Variants in CLTCL1 observed in about 807,000 individuals in gnomAD.
CLTCL1 encodes clathrin heavy chain 2.
Under a neutral mutation model 190.0 loss-of-function variants are expected in CLTCL1, and 159 were observed. The ratio of observed to expected loss-of-function variants is 0.84; its 90% CI spans 0.74 to 0.95. The LOEUF (loss-of-function observed/expected upper bound fraction) is 0.95, where lower values mean the gene tolerates loss of function less well. Among genes scored for constraint, CLTCL1 ranks in the 40% least tolerant of loss-of-function variants. The pLI is 0.00. For missense variants in CLTCL1, 1,878 were observed against 2,033.4 expected (o/e 0.92, Z 1.47); for synonymous variants, 752 against 769.6 (o/e 0.98, Z 0.38).
intron 19 of CLTCL1, 53 bp from the exon 20 acceptor site, chr22:19,210,562 C>T: frequency 6.4e-7 from 1 of 1,556,944 alleles, no homozygotes; most frequent in Non-Finnish European, 8.7e-7. Flanking sequence ...GCTGCACAAA[C>T]CATTTTTTGG....
chr22:19,281,685 G>T (rs1261333381), intron 1 of CLTCL1, among the ~76,000 whole-genome samples: 1 of 152,166 alleles, frequency 6.6e-6, no homozygotes, highest in Non-Finnish European at 1.5e-5. Context: ...ACTGAAGTGG[G>T]CCTGGGTTTT....
chr22:19,276,624 C>G (rs1216121376), intron 1 of CLTCL1, among the ~76,000 whole-genome samples: 1 of 152,164 alleles, frequency 6.6e-6, no homozygotes, highest in South Asian at 2.1e-4. Flanking sequence ...ATAAATTTCT[C>G]TGCTCTGACC....
At chr22:19,228,248 T>G (rs1372209975) in intron 11 of CLTCL1, among the ~76,000 whole-genome samples, 1 of 152,236 alleles carries the variant, frequency 6.6e-6, no homozygotes, top group Non-Finnish European at 1.5e-5. Context: ...TACTTCTTGT[T>G]TTCAAACATT....
chr22:19,276,467 C>G (rs1555983413), intron 1 of CLTCL1, among the ~76,000 whole-genome samples: 1 of 152,096 alleles, frequency 6.6e-6, no homozygotes, highest in Admixed American at 6.5e-5. Context: ...TAAACTGAAA[C>G]CAAGCACCTT....
intron 22 of CLTCL1, 123 bp downstream of exon 22, chr22:19,208,031 G>A: frequency 8.4e-7 from 1 of 1,186,266 alleles, no homozygotes; most frequent in Non-Finnish European, 1.2e-6. Context: ...ACCTGTCTGT[G>A]GAAAAACTGT....
chr22:19,213,188 G>A (rs1481820700), intron 19 of CLTCL1, among the ~76,000 whole-genome samples: 1 of 152,184 alleles, frequency 6.6e-6, no homozygotes, highest in Non-Finnish European at 1.5e-5. Flanking sequence ...TCACCAAAGA[G>A]GATCTACGGA....
rs781989374 is a variant in CLTCL1, at chr22:19,226,189, A to G, written c.1947+30T>C. 3.4e-5 allele frequency: 55 copies of G among 1,606,294 alleles called. 1 individual carries two copies. The highest frequency in any genetic ancestry group is 4.5e-5 in the Non-Finnish European group (53 of 1,175,146). On this transcript the variant is annotated intron_variant, in intron 12 of 32. Transcript: ENST00000427926. ...GACATTAATTGCATAGACAACAGCC[A>G]TAATAGGAGTGCCCAGGGGTACACA...
At chr22:19,277,585 C>T (rs1555984144) in intron 1 of CLTCL1, among the ~76,000 whole-genome samples, 1 of 152,084 alleles carries the variant, frequency 6.6e-6, no homozygotes, top group Admixed American at 6.5e-5. Flanking sequence ...TAGAACTTGC[C>T]AATTGATATT....
chr22:19,192,889 A>T (rs1555933229), intron 26 of CLTCL1, among the ~76,000 whole-genome samples: 1 of 152,172 alleles, frequency 6.6e-6, no homozygotes, highest in Non-Finnish European at 1.5e-5. Flanking sequence ...CTCCTATTGG[A>T]GCTCTAGCAC....
At chr22:19,242,712 G>C in intron 4 of CLTCL1, 63 bp downstream of exon 4, 2 of 1,575,844 alleles carry the variant, frequency 1.3e-6, no homozygotes, top group African/African-American at 1.3e-5. Flanking sequence ...CCACACACAC[G>C]CACACCCCTA....
chr22:19,224,096 G>C (rs782362849), intron 13 of CLTCL1, 42 bp from the exon 14 acceptor site: 2 of 1,606,206 alleles, frequency 1.2e-6, no homozygotes, highest in Non-Finnish European at 1.7e-6. Context: ...TGTAACACCT[G>C]CCTGTCTCCT....
rs1555952293 is a variant in CLTCL1, at chr22:19,221,497, G to A, written c.2676C>T (p.Cys892=). ...IYIDSNNSPE[C]FLRENAYYDS... ...CATAGTAGGCATTCTCTCTCAGGAA[G>A]CACTCGGGGCTGTTGTTGCTGTCGA... Residue 892 remains cysteine, a synonymous_variant, in exon 17 of 33, where the codon TGC becomes TGT. Transcript: ENST00000427926. 1 of 1,601,064 alleles carries A rather than the reference G, an allele frequency of 6.2e-7. No homozygotes were observed. The highest frequency in any genetic ancestry group is 1.7e-5 in the Admixed American group (1 of 57,974).
rs146958816 is a variant in CLTCL1 at position 19,188,463 on chromosome 22, T to C, written c.4324-372A>G. Among the ~76,000 whole-genome samples, 660 of 152,290 alleles carry C rather than the reference T, an allele frequency of 4.3e-3. 6 individuals are homozygous for C. Among genetic ancestry groups the C allele is most frequent in the African/African-American group, 0.014 (593 of 41,550 alleles). On this transcript the variant is annotated intron_variant, in intron 27 of 32. Transcript: ENST00000427926. Reference sequence around the variant, plus strand: ...ACACAGTACACACCTTAATTAAAAATATTTTAGTGCTAAAGAATGCTAACA... The same window carrying C: ...ACACAGTACACACCTTAATTAAAAACATTTTAGTGCTAAAGAATGCTAACA...
chr22:19,256,737 C>T (rs1321906572), intron 2 of CLTCL1, among the ~76,000 whole-genome samples: 1 of 151,856 alleles, frequency 6.6e-6, no homozygotes, highest in Non-Finnish European at 1.5e-5. Context: ...TGGCCTCATG[C>T]AATCCTTCCA....
chr22:19,217,852 A>AG (rs2085439190), intron 18 of CLTCL1, among the ~76,000 whole-genome samples: 1 of 137,244 alleles, frequency 7.3e-6, no homozygotes, highest in Non-Finnish European at 1.5e-5. Flanking sequence ...TCTCAAAAAG[A>AG]GAAAAAAAAA....
chr22:19,229,960 T>A lies in CLTCL1; in HGVS notation c.1660A>T (p.Met554Leu). 6.2e-7 allele frequency: 1 copy of A among 1,608,576 alleles called. No individual in the cohort carries two copies. The highest frequency in any genetic ancestry group is 8.5e-7 in the Non-Finnish European group (1 of 1,177,676). Residue 554 changes from methionine (M) to leucine (L), a missense_variant, in exon 11 of 33, where the codon ATG becomes TTG. By Grantham distance (15) the Met-to-Leu change is conservative. Coordinates refer to ENST00000427926, the MANE Select transcript of CLTCL1 (RefSeq NM_007098.4). ...ANISQIVDIFMENSLIQQCTS... is the reference protein window; with the variant it reads ...ANISQIVDIFLENSLIQQCTS... ...CACTGCTGAATTAAACTGTTTTCCA[T>A]GAAAATGTCCACAATCTGAAACATA...
Position 19,210,519 on chromosome 22 carries a change from G to C in CLTCL1, c.3066-10C>G, listed in dbSNP as rs782420965. 4.4e-6 allele frequency: 7 copies of C among 1,607,082 alleles called. No homozygotes were observed. Among genetic ancestry groups the C allele is most frequent in the Non-Finnish European group, 6.0e-6 (7 of 1,174,788 alleles). ...CAGATTCTGTAGATTCCTGAGGAGA[G>C]AGGGTGGTCAGCACGGCATCCCAGG... is the stretch of plus-strand genomic sequence containing the variant. On this transcript the variant is annotated splice_polypyrimidine_tract_variant and intron_variant, in intron 19 of 32. Coordinates refer to ENST00000427926, the MANE Select transcript of CLTCL1 (RefSeq NM_007098.4).
Position 19,234,565 on chromosome 22 carries a change from G to C in CLTCL1, c.1111C>G (p.Leu371Val), listed in dbSNP as rs782771443. 1 of 1,613,956 alleles carries C rather than the reference G, an allele frequency of 6.2e-7. No homozygotes were observed. The highest frequency in any genetic ancestry group is 2.2e-5 in the East Asian group (1 of 44,888). ...TCAGCATAGCTGCCCTGTGCAAAGA[G>C]GGTATTGAATTTTCTCACAAACAAC... ...EKLFVRKFNT[L>V]FAQGSYAEAA... Residue 371 changes from leucine (L) to valine (V), a missense_variant, in exon 7 of 33, where the codon CTC becomes GTC. Leu to Val is a conservative substitution (Grantham distance 32). Transcript: ENST00000427926.
intron 5 of CLTCL1, among the ~76,000 whole-genome samples, chr22:19,238,114 T>A (rs797039535): frequency 3.3e-5 from 5 of 152,244 alleles, no homozygotes; most frequent in African/African-American, 1.2e-4. Flanking sequence ...GGAAATGAAG[T>A]CTTGCTCCAG....
Sources: allele counts gnomAD v4.1 joint callset (sites outside exome capture counted in the v4.1 genomes callset), GRCh38; gene constraint gnomAD v4.1.1; transcripts MANE v1.5; gene names NCBI Gene and HGNC (gene_info 2026-07-23, HGNC 2026-07-21).